F9: variants seen among roughly 807,000 people sequenced by gnomAD.
F9 encodes the protein Christmas factor.
A neutral mutation model predicts 34.1 loss-of-function variants in F9; 2 were observed. That is an observed-to-expected ratio of 0.06 (90% CI 0.02 to 0.18). The LOEUF is 0.18. F9 is among the 10% of genes least tolerant of loss of function. F9 has a pLI of 1.00. For synonymous variants in F9, 137 were observed against 118.8 expected (o/e 1.15, Z -1.00); for missense variants, 216 against 345.1 (o/e 0.63, Z 2.96).
In F9 at chrX:139,540,619, C is replaced by T. The variant is rs4149692; in HGVS notation, c.278-457C>T. Among the ~76,000 whole-genome samples, 516 of 111,789 alleles carry T rather than the reference C, an allele frequency of 4.6e-3. 3 individuals are homozygous for T. Among genetic ancestry groups the T allele is most frequent in the African/African-American group, 0.015 (452 of 30,856 alleles). On this transcript the variant is annotated intron_variant, in intron 3 of 7. Coordinates refer to ENST00000218099, the MANE Select transcript of F9 (RefSeq NM_000133.4). ...AGGCCGTCAGTTCCTAAAGTGGAAA[C>T]GCCATATATTATCTAGCTCAGTTTG...
At position 139,561,578 on chromosome X, in the gene F9, G is replaced by T; in HGVS notation, c.893G>T (p.Arg298Leu). The T allele has an allele frequency of 8.3e-7, 1 of 1,207,450 alleles. No homozygotes were observed. Among genetic ancestry groups the T allele is most frequent in the South Asian group, 1.8e-5 (1 of 56,302 alleles). Residue 298 changes from arginine (R) to leucine (L), a missense_variant, in exon 8 of 8, where the codon CGA becomes CTA. Physicochemically the swap from Arg to Leu is moderately radical, Grantham distance 102 (BLOSUM62 -2). Transcript: ENST00000218099. ...ACAGAGCAAAAGCGAAATGTGATTC[G>T]AATTATTCCTCACCACAACTACAAT... ...EHTEQKRNVI[R>L]IIPHHNYNAA... is the part of the protein sequence containing the mutation.
At chrX:139,544,899 G>A (rs1199938626) in intron 4 of F9, 1 of 111,790 alleles carries the variant, frequency 8.9e-6, no homozygotes, top group Admixed American at 9.5e-5. Context: ...TTAGAAGTTC[G>A]ACTTATGGGG....
rs1927511207 is a variant in F9, at chrX:139,537,461, T to C, written c.277+75T>C. ...TATGTGGGTTTTTTCTCTGCATAAA[T>C]AGATAATATATTAAACTTTGTCAAA... is the stretch of plus-strand genomic sequence containing the variant. On this transcript the variant is annotated intron_variant, in intron 3 of 7. Coordinates refer to ENST00000218099, the MANE Select transcript of F9 (RefSeq NM_000133.4). 2.4e-5 allele frequency: 20 copies of C among 849,274 alleles called. No individual in the cohort carries two copies. In the South Asian group the frequency reaches 3.4e-4, roughly 14 times the overall value. 70.0% of individuals were successfully genotyped at this position (849,274 alleles called of 1,213,427 possible). A position where few individuals can be genotyped will look rare whatever the true frequency, so the allele number is the denominator to read the frequency against.
intron 3 of F9, among the ~76,000 whole-genome samples, chrX:139,538,858 T>C (rs946280678): frequency 1.8e-4 from 20 of 111,164 alleles, no homozygotes; most frequent in African/African-American, 6.5e-4. Context: ...CCCTTGCCTT[T>C]TGGGTCACAT....
At chrX:139,558,347 G>A (rs1928017610) in intron 6 of F9, among the ~76,000 whole-genome samples, 1 of 113,532 alleles carries the variant, frequency 8.8e-6, no homozygotes, top group Non-Finnish European at 1.9e-5. Flanking sequence ...CAGTAGGCCA[G>A]TGACAAGGGA....
chrX:139,549,107 ACTC>A (rs1927783629), intron 5 of F9, among the ~76,000 whole-genome samples: 1 of 110,971 alleles, frequency 9.0e-6, no homozygotes, highest in African/African-American at 3.3e-5. Flanking sequence ...GAACATCTCC[ACTC>A]CATGTTCGTA....
chrX:139,539,523 C>G (rs1040401004), intron 3 of F9, among the ~76,000 whole-genome samples: 9 of 112,443 alleles, frequency 8.0e-5, no homozygotes, highest in Non-Finnish European at 1.3e-4. Context: ...TACACACAGC[C>G]TAGAAACCAA....
At chrX:139,545,164 A>G (rs188015275) in intron 4 of F9, 209 of 111,469 alleles carry the variant, frequency 1.9e-3, no homozygotes, top group African/African-American at 6.7e-3. Context: ...TAATACAGTC[A>G]CTCATTTTCA....
In F9 at chrX:139,537,077, G is replaced by A. The variant is rs1281918212; in HGVS notation, c.156G>A (p.Leu52=). 2.5e-6 allele frequency: 3 copies of A among 1,210,202 alleles called. No individual in the cohort carries two copies. The highest frequency in any genetic ancestry group is 3.4e-6 in the Non-Finnish European group (3 of 894,111). The change falls in exon 2 of 8, where the codon TTG becomes TTA. Residue 52 remains leucine (L), a synonymous_variant. Coordinates refer to ENST00000218099, the MANE Select transcript of F9 (RefSeq NM_000133.4). ...NRPKRYNSGK[L]EEFVQGNLER... is the part of the protein sequence containing the mutation. ...CAAAGAGGTATAATTCAGGTAAATT[G>A]GAAGAGTTTGTTCAAGGGAACCTTG...
chrX:139,534,279 A>G (rs1927406473), intron 1 of F9, among the ~76,000 whole-genome samples: 1 of 112,177 alleles, frequency 8.9e-6, no homozygotes, highest in Admixed American at 9.5e-5. Flanking sequence ...CACCTGTGAG[A>G]TAGATATTCT....
At chrX:139,534,671 G>T (rs1927415328) in intron 1 of F9, among the ~76,000 whole-genome samples, 2 of 112,289 alleles carry the variant, frequency 1.8e-5, no homozygotes, top group Admixed American at 1.9e-4. Context: ...TACAAAGGAG[G>T]ATGTGTTTAG....
intron 1 of F9, 140 bp from the exon 2 acceptor site, chrX:139,536,870 C>A: frequency 1.9e-6 from 1 of 533,987 alleles, no homozygotes; most frequent in East Asian, 3.6e-5. Context: ...GGGAACATCA[C>A]AGATTTTGGC....
At chrX:139,558,269 A>C (rs910441749) in intron 6 of F9, among the ~76,000 whole-genome samples, 1 of 113,657 alleles carries the variant, frequency 8.8e-6, no homozygotes, top group African/African-American at 3.2e-5. Flanking sequence ...CCTCTATTTC[A>C]GGCATGGAAC....
chrX:139,546,642 A>G (rs754571072), intron 4 of F9, among the ~76,000 whole-genome samples: 1 of 112,074 alleles, frequency 8.9e-6, no homozygotes, highest in Non-Finnish European at 1.9e-5. Context: ...AGATTACTGG[A>G]TACAGAGTCA....
rs199715095 is a variant in F9, at chrX:139,553,971, TA to T, written c.723+2708del. ...GGGAACAGGGTATAAAGGCTCAATT[TA>T]GTCACATCATTTCCGTTTCTCACCC... On this transcript the variant is annotated intron_variant, in intron 6 of 7. Coordinates refer to ENST00000218099, the MANE Select transcript of F9 (RefSeq NM_000133.4). Among the ~76,000 whole-genome samples the T allele has an allele frequency of 6.5e-3, 720 of 110,077 alleles. 4 individuals are homozygous for T. The East Asian group carries it at 0.069, about 10-fold the overall frequency.
At chrX:139,533,642 G>T (rs1220067882) in intron 1 of F9, among the ~76,000 whole-genome samples, 1 of 112,048 alleles carries the variant, frequency 8.9e-6, no homozygotes, top group East Asian at 2.8e-4. Flanking sequence ...TGGATATTGT[G>T]ATACCTAGTA....
At position 139,551,098 on chromosome X, in the gene F9, C is replaced by A; in HGVS notation, c.557C>A (p.Thr186Asn). The A allele has an allele frequency of 8.3e-7, 1 of 1,211,530 alleles. No individual in the cohort carries two copies. Among genetic ancestry groups the A allele is most frequent in the East Asian group, 3.0e-5 (1 of 33,838 alleles). The stretch of plus-strand genomic sequence containing the variant: ...TGTGGAAGAGTTTCTGTTTCACAAA[C>A]TTCTAAGCTCACCCGTGCTGAGACT... ...FPCGRVSVSQTSKLTRAETVF... is the reference protein window; with the variant it reads ...FPCGRVSVSQNSKLTRAETVF... Residue 186 changes from threonine to asparagine, a missense_variant, in exon 6 of 8, where the codon ACT becomes AAT. This residue lies in a region of F9 where 177 missense variants were observed against 311.8 expected (regional missense o/e 0.57). Transcript: ENST00000218099.
chrX:139,544,755 A>G (rs956982803), intron 4 of F9: 1 of 111,544 alleles, frequency 9.0e-6, no homozygotes, highest in Non-Finnish European at 1.9e-5. Flanking sequence ...TTATCAAACT[A>G]CTCGTTTCTA....
intron 6 of F9, among the ~76,000 whole-genome samples, chrX:139,556,437 C>T (rs1927969632): frequency 8.9e-6 from 1 of 111,904 alleles, no homozygotes; most frequent in South Asian, 3.8e-4. Flanking sequence ...GTACAGCTAG[C>T]TACAGAGATT....
Sources: gnomAD v4.1 joint callset for allele counts (sites outside exome capture counted in the v4.1 genomes callset) on GRCh38, gnomAD v4.1.1 for gene constraint, gnomAD v4.1.1 regional missense constraint, MANE v1.5 for transcripts, NCBI Gene and HGNC (gene_info 2026-07-23, HGNC 2026-07-21) for gene names.